The following ZDHHC13 variants were observed in gnomAD, a reference collection of about 807,000 sequenced individuals.
The protein encoded by ZDHHC13 is palmitoyltransferase ZDHHC13.
ZDHHC13 carries 85 observed loss-of-function variants against 86.0 expected under a neutral mutation model. That is an observed-to-expected ratio of 0.99 (90% CI 0.83 to 1.18). The LOEUF (loss-of-function observed/expected upper bound fraction) is 1.18. Ranked by LOEUF, ZDHHC13 falls within the 50% of genes most tolerant of loss-of-function variation. ZDHHC13 has a pLI of 0.00. For missense variants in ZDHHC13, 711 were observed against 730.2 expected, an observed-to-expected ratio of 0.97 and a Z score of 0.30; for synonymous variants, 263 against 246.4, an observed-to-expected ratio of 1.07 and a Z score of -0.63.
chr11:19,147,774 C>CT, intron 4 of ZDHHC13, 101 bp downstream of exon 4: 1 of 710,426 alleles, frequency 1.4e-6, no homozygotes, highest in Non-Finnish European at 2.0e-6. Flanking sequence ...TCTTTTCTTC[C>CT]CCCCCCCCCT....
rs190568643 is a variant in ZDHHC13, at chr11:19,128,212, A to T, written c.27+10936A>T. On this transcript the variant is annotated intron_variant, in intron 1 of 16. Transcript: ENST00000446113. ...CTAGGTGTTTTATTCTTTTTGTGGC[A>T]GTTGTGAATGGGGTTGCCTTCCTGA... Among the ~76,000 whole-genome samples the T allele has an allele frequency of 6.5e-3, 990 of 152,096 alleles. 9 individuals are homozygous for T. Among genetic ancestry groups the T allele is most frequent in the African/African-American group, 0.022 (931 of 41,494 alleles).
chr11:19,152,444 C>A, intron 7 of ZDHHC13, 115 bp from the exon 8 acceptor site: 1 of 1,442,288 alleles, frequency 6.9e-7, no homozygotes, highest in Non-Finnish European at 9.2e-7. Context: ...ATGATAATAG[C>A]TGGCTATCCT....
intron 1 of ZDHHC13, among the ~76,000 whole-genome samples, chr11:19,130,942 C>T (rs1848986425): frequency 6.6e-6 from 1 of 150,820 alleles, no homozygotes; most frequent in African/African-American, 2.4e-5. Flanking sequence ...GCCTCCTGGG[C>T]CCAAGTGATT....
chr11:19,175,711 A>G lies in ZDHHC13; in HGVS notation c.1731-111A>G, dbSNP rs1850345119. ...TCTGATCTACCCCATCTACCCCTGG[A>G]TTTCTGCAAGATGTTCAAAGGACAT... On this transcript the variant is annotated intron_variant, in intron 16 of 16. Coordinates refer to ENST00000446113, the MANE Select transcript of ZDHHC13 (RefSeq NM_019028.3). The G allele has an allele frequency of 6.1e-6, 8 of 1,309,644 alleles. No individual in the cohort carries two copies. In the South Asian group the frequency reaches 1.1e-4, roughly 19 times the overall value. The allele number at this position is 1,309,644 out of a possible 1,614,324, so 81.1% of individuals were successfully genotyped here.
chr11:19,162,728 C>G (rs1248330821), intron 10 of ZDHHC13, among the ~76,000 whole-genome samples: 1 of 152,112 alleles, frequency 6.6e-6, no homozygotes, highest in African/African-American at 2.4e-5. Flanking sequence ...CGTGCAGGAT[C>G]ATTGCATTAT....
In ZDHHC13 at chr11:19,139,586, A is replaced by G. The variant is rs1156590050; in HGVS notation, c.28-3392A>G. On this transcript the variant is annotated intron_variant, in intron 1 of 16. Transcript: ENST00000446113. The stretch of plus-strand genomic sequence containing the variant: ...CTACTTTAAAGTTCATATGGAACCA[A>G]AAAAGAGCCCGCATCGCCAAGTCAA... Among the ~76,000 whole-genome samples, 7 of 150,184 alleles carry G rather than the reference A, an allele frequency of 4.7e-5. No individual in the cohort carries two copies. The East Asian group carries it at 1.4e-3, about 29-fold the overall frequency.
intron 1 of ZDHHC13, among the ~76,000 whole-genome samples, chr11:19,118,165 C>A (rs559824711): frequency 6.6e-6 from 1 of 152,198 alleles, no homozygotes; most frequent in African/African-American, 2.4e-5. Flanking sequence ...AGATATTATC[C>A]CCATATACAG....
chr11:19,159,230 T>C (rs1230069871), intron 10 of ZDHHC13, among the ~76,000 whole-genome samples, 190 bp downstream of exon 10: 1 of 152,142 alleles, frequency 6.6e-6, no homozygotes, highest in African/African-American at 2.4e-5. Flanking sequence ...CAGAGTACAT[T>C]ATGGAAACAG....
intron 1 of ZDHHC13, among the ~76,000 whole-genome samples, chr11:19,141,094 G>A (rs77996722): frequency 0.022 from 3,371 of 150,902 alleles, 99 homozygotes; most frequent in East Asian, 0.13. Flanking sequence ...AGAAAAAAAA[G>A]TACTGATTCA....
intron 15 of ZDHHC13, among the ~76,000 whole-genome samples, chr11:19,171,567 C>G (rs1261910865): frequency 1.3e-5 from 2 of 152,134 alleles, no homozygotes; most frequent in Non-Finnish European, 2.9e-5. Flanking sequence ...TCTCACTCTC[C>G]TATCACTCTG....
intron 10 of ZDHHC13, among the ~76,000 whole-genome samples, chr11:19,162,509 G>A (rs975041609): frequency 4.6e-5 from 7 of 152,132 alleles, no homozygotes; most frequent in African/African-American, 1.7e-4. Context: ...CCCTAAAAGT[G>A]TGGTTTTAGA....
intron 1 of ZDHHC13, among the ~76,000 whole-genome samples, chr11:19,137,696 A>G (rs1849183160): frequency 6.6e-6 from 1 of 152,262 alleles, no homozygotes; most frequent in African/African-American, 2.4e-5. Flanking sequence ...AAGAACAGAA[A>G]TTATAACAAA....
chr11:19,160,670 A>T lies in ZDHHC13; in HGVS notation c.1108+1630A>T, dbSNP rs535090728. 1.3e-4 allele frequency among the ~76,000 whole-genome samples: 20 copies of T among 152,124 alleles called. No individual in the cohort carries two copies. The East Asian group carries it at 3.9e-3, about 29-fold the overall frequency. On this transcript the variant is annotated intron_variant, in intron 10 of 16. Coordinates refer to ENST00000446113, the MANE Select transcript of ZDHHC13 (RefSeq NM_019028.3). ...ATTTCAAATTTGTAGAATCAAAGTC[A>T]TAAATGGTTACAACCCAAGTAACCC...
rs1849592105 is a variant in ZDHHC13, at chr11:19,150,925, G to A, written c.584+134G>A. On this transcript the variant is annotated intron_variant, in intron 6 of 16. Transcript: ENST00000446113. ...AAATAAGATTTTTCACACAGAGACT[G>A]TGATAATTGACTTTTAAGGTAGTTA... 9 of 721,164 alleles carry A rather than the reference G, an allele frequency of 1.2e-5. 1 individual carries two copies. The South Asian group carries it at 2.5e-4, about 20-fold the overall frequency. 44.7% of individuals were successfully genotyped at this position (721,164 alleles called of 1,614,324 possible).
At chr11:19,163,248 C>G in intron 10 of ZDHHC13, 55 bp from the exon 11 acceptor site, 1 of 1,526,620 alleles carries the variant, frequency 6.6e-7, no homozygotes, top group South Asian at 1.3e-5. Context: ...TTGCTTACAT[C>G]ATAATTACAT....
chr11:19,150,835 T>G (rs1202012045), intron 6 of ZDHHC13, 44 bp downstream of exon 6: 1 of 1,554,940 alleles, frequency 6.4e-7, no homozygotes, highest in South Asian at 1.1e-5. Flanking sequence ...TGGTTCCAAC[T>G]ATTTCTTTTC....
At chr11:19,121,159 T>C (rs962394930) in intron 1 of ZDHHC13, among the ~76,000 whole-genome samples, 2 of 152,208 alleles carry the variant, frequency 1.3e-5, no homozygotes, top group African/African-American at 4.8e-5. Flanking sequence ...GCAAAAATAA[T>C]AACTTACTTT....
At chr11:19,150,552 CATGGATTTTTACCCT>C (rs1410516019) in intron 5 of ZDHHC13, among the ~76,000 whole-genome samples, 160 bp from the exon 6 acceptor site, 2 of 151,976 alleles carry the variant, frequency 1.3e-5, no homozygotes, top group Non-Finnish European at 2.9e-5. Flanking sequence ...TGTGGAAATC[CATGGATTTTTACCCT>C]ATGGAAGTGA....
In ZDHHC13 at chr11:19,133,324, C is replaced by A. The variant is rs533807772; in HGVS notation, c.28-9654C>A. 2.6e-5 allele frequency among the ~76,000 whole-genome samples: 4 copies of A among 151,156 alleles called. No individual in the cohort carries two copies. The South Asian group carries it at 8.3e-4, about 31-fold the overall frequency. ...ATCTTCAAAGCCAACAGTTCCACTT[C>A]CAGATATATGCTTTTGAGAATTGTT... On this transcript the variant is annotated intron_variant, in intron 1 of 16. Coordinates refer to ENST00000446113, the MANE Select transcript of ZDHHC13 (RefSeq NM_019028.3).
Sources: gnomAD v4.1 joint callset for allele counts (sites outside exome capture counted in the v4.1 genomes callset) on GRCh38, gnomAD v4.1.1 for gene constraint, MANE v1.5 for transcripts, NCBI Gene and HGNC (gene_info 2026-07-23, HGNC 2026-07-21) for gene names.